HSDL1: variants seen among roughly 807,000 people sequenced by gnomAD.
HSDL1 encodes the protein hydroxysteroid dehydrogenase like 1.
HSDL1 carries 29 observed loss-of-function variants against 31.5 expected under a neutral mutation model. That is an observed-to-expected ratio of 0.92 (90% CI 0.69 to 1.26). The LOEUF (loss-of-function observed/expected upper bound fraction) is 1.26. HSDL1 is among the 50% of genes most tolerant of loss of function. The pLI, the probability that HSDL1 is intolerant of heterozygous loss-of-function variation, is 0.00. For missense variants in HSDL1, 503 were observed against 416.6 expected, an observed-to-expected ratio of 1.21 and a Z score of -1.81; for synonymous variants, 222 against 155.2, an observed-to-expected ratio of 1.43 and a Z score of -3.20.
chr16:84,131,352 A>C, intron 2 of HSDL1, 25 bp from the exon 3 acceptor site: 3 of 1,480,812 alleles, frequency 2.0e-6, no homozygotes, highest in Non-Finnish European at 1.9e-6. Flanking sequence ...AAAGAGAGAG[A>C]GCCTCTTTGA....
At chr16:84,145,026 G>A in intron 1 of HSDL1, 54 bp downstream of exon 1, 1 of 154,226 alleles carries the variant, frequency 6.5e-6, no homozygotes, top group East Asian at 1.9e-4. Context: ...ACCGAGGAGG[G>A]GTCTGGGGCG....
At chr16:84,127,987 G>A (rs540700099) in intron 5 of HSDL1, among the ~76,000 whole-genome samples, 281 of 149,390 alleles carry the variant, frequency 1.9e-3, no homozygotes, top group African/African-American at 5.5e-3. Flanking sequence ...CCAAAGTGCT[G>A]GGATTACAGG....
intron 2 of HSDL1, among the ~76,000 whole-genome samples, chr16:84,132,968 C>T (rs1318312012): frequency 7.3e-6 from 1 of 137,520 alleles, no homozygotes; most frequent in African/African-American, 2.8e-5. Flanking sequence ...TGAAGAAATC[C>T]CTTTAAAATA....
At chr16:84,141,600 G>A (rs568436340) in intron 1 of HSDL1, among the ~76,000 whole-genome samples, 1 of 152,338 alleles carries the variant, frequency 6.6e-6, no homozygotes, top group Non-Finnish European at 1.5e-5. Flanking sequence ...CAAAGCGGCA[G>A]AACCCATTCA....
Position 84,124,624 on chromosome 16 carries a change from C to A in HSDL1, c.*6G>T, listed in dbSNP as rs747163279. On this transcript the variant is annotated 3_prime_UTR_variant, in exon 6 of 6. Coordinates refer to ENST00000219439, the MANE Select transcript of HSDL1 (RefSeq NM_031463.5). ...TTGGCAAAACTTCTCAAGTGGCCAT[C>A]CAGACTCAGGCTGTGCAGGATAAGG... 6.2e-7 allele frequency: 1 copy of A among 1,602,314 alleles called. No homozygotes were observed. The highest frequency in any genetic ancestry group is 1.7e-5 in the Admixed American group (1 of 59,948).
At chr16:84,137,097 A>G (rs763286775) in intron 1 of HSDL1, among the ~76,000 whole-genome samples, 8 of 152,258 alleles carry the variant, frequency 5.3e-5, no homozygotes, top group Non-Finnish European at 1.0e-4. Flanking sequence ...GGACACCATC[A>G]TGAATAAACC....
chr16:84,134,562 A>G (rs985129305), intron 2 of HSDL1, among the ~76,000 whole-genome samples: 2 of 152,184 alleles, frequency 1.3e-5, no homozygotes, highest in African/African-American at 4.8e-5. Context: ...CAGTGAGCCA[A>G]GATTGCACCA....
chr16:84,132,135 T>C (rs2086675547), intron 2 of HSDL1, among the ~76,000 whole-genome samples: 1 of 152,236 alleles, frequency 6.6e-6, no homozygotes, highest in African/African-American at 2.4e-5. Flanking sequence ...ATAAACACAA[T>C]ATGCTCTGTG....
intron 2 of HSDL1, among the ~76,000 whole-genome samples, chr16:84,131,568 G>A (rs957188284): frequency 1.2e-4 from 18 of 152,080 alleles, no homozygotes; most frequent in Non-Finnish European, 2.2e-4. Context: ...AGGCTGGAGT[G>A]CAGTGGTGCG....
Position 84,123,999 on chromosome 16 carries a change from G to C in HSDL1, c.*631C>G, listed in dbSNP as rs1345240411. ...AATACCCTATAAGAGTCCATGTTAA[G>C]TCACCCTGACAAAAAATCTTTTTAA... On this transcript the variant is annotated 3_prime_UTR_variant, in exon 6 of 6. Transcript: ENST00000219439. 1 of 152,410 alleles carries C rather than the reference G, an allele frequency of 6.6e-6. No homozygotes were observed. Among genetic ancestry groups the C allele is most frequent in the Non-Finnish European group, 1.5e-5 (1 of 68,250 alleles). The allele number at this position is 152,410 out of a possible 1,614,324, so 9.4% of individuals were successfully genotyped here. A position where few individuals can be genotyped will look rare whatever the true frequency, so the allele number is the denominator to read the frequency against.
intron 1 of HSDL1, among the ~76,000 whole-genome samples, chr16:84,141,099 A>AAAAAAAAAAAAAAAAAAAAC (rs1396573691): frequency 1.3e-5 from 2 of 151,440 alleles, no homozygotes; most frequent in African/African-American, 4.9e-5. Flanking sequence ...TCAAACAAAA[A>AAAAAAAAAAAAAAAAAAAAC]AAAAAACAGT....
rs1181291038 is a variant in HSDL1 at position 84,130,411 on chromosome 16, T to C, written c.241A>G (p.Lys81Glu). Residue 81 changes from lysine to glutamate, a missense_variant, in exon 4 of 6, where the codon AAA becomes GAA. By Grantham distance (56) the Lys-to-Glu change is moderately conservative. Transcript: ENST00000219439. ...CTTGCTAACTCTTCAGCGTAGGCTT[T>C]TCCAATCCCATCTGTTGCACCTAGG... ...VVSGATDGIG[K>E]AYAEELASRG... 8 of 1,610,310 alleles carry C rather than the reference T, an allele frequency of 5.0e-6. No homozygotes were observed. The highest frequency in any genetic ancestry group is 2.0e-4 in the Middle Eastern group (1 of 5,064).
chr16:84,130,190 C>T lies in HSDL1; in HGVS notation c.462G>A (p.Val154=). Residue 154 remains valine, a synonymous_variant, in exon 4 of 6, where the codon GTG becomes GTA. Coordinates refer to ENST00000219439, the MANE Select transcript of HSDL1 (RefSeq NM_031463.5). ...DVGILVNNVG[V]FYPYPQYFTQ... is the part of the protein sequence containing the mutation. Reference sequence around the variant, plus strand: ...TGAAATACTGCGGGTAGGGATAAAACACACCCACGTTATTTACCAAGATGC... The same window carrying T: ...TGAAATACTGCGGGTAGGGATAAAATACACCCACGTTATTTACCAAGATGC... The T allele has an allele frequency of 4.3e-6, 7 of 1,614,210 alleles. No homozygotes were observed. The highest frequency in any genetic ancestry group is 5.1e-6 in the Non-Finnish European group (6 of 1,180,038).
intron 1 of HSDL1, among the ~76,000 whole-genome samples, chr16:84,135,816 G>A (rs1048777533): frequency 6.6e-6 from 1 of 152,226 alleles, no homozygotes; most frequent in Non-Finnish European, 1.5e-5. Flanking sequence ...TCTGCTGGGG[G>A]CACAGTCCAT....
At chr16:84,142,181 G>A (rs937520257) in intron 1 of HSDL1, among the ~76,000 whole-genome samples, 1 of 152,046 alleles carries the variant, frequency 6.6e-6, no homozygotes, top group South Asian at 2.1e-4. Flanking sequence ...ACCTGCCTTG[G>A]CCTCCCAAAG....
chr16:84,141,666 C>T (rs1408338951), intron 1 of HSDL1, among the ~76,000 whole-genome samples: 3 of 152,326 alleles, frequency 2.0e-5, no homozygotes, highest in African/African-American at 7.2e-5. Flanking sequence ...CTGGTAGCGT[C>T]CAAAGCTTCA....
At chr16:84,140,992 G>A (rs923318315) in intron 1 of HSDL1, among the ~76,000 whole-genome samples, 1 of 150,844 alleles carries the variant, frequency 6.6e-6, no homozygotes, top group South Asian at 2.1e-4. Flanking sequence ...TCGGGAGGCT[G>A]AGGCAGGAGA....
intron 3 of HSDL1, chr16:84,130,866 T>C (rs902639203): frequency 2.2e-5 from 11 of 491,544 alleles, no homozygotes; most frequent in Non-Finnish European, 3.6e-5. Flanking sequence ...GAAGTGGGTC[T>C]GGAGGAGGAC....
chr16:84,136,065 C>T (rs117678542), intron 1 of HSDL1, among the ~76,000 whole-genome samples: 2 of 152,210 alleles, frequency 1.3e-5, no homozygotes, highest in Non-Finnish European at 2.9e-5. Flanking sequence ...CACACCCCTT[C>T]TTCAGCTCCA....
Sources: allele counts gnomAD v4.1 joint callset (sites outside exome capture counted in the v4.1 genomes callset), GRCh38; gene constraint gnomAD v4.1.1; transcripts MANE v1.5; gene names NCBI Gene and HGNC (gene_info 2026-07-23, HGNC 2026-07-21).